ZNF462: variants seen among roughly 807,000 people sequenced by gnomAD.
ZNF462 encodes zinc finger PBX1-interacting protein.
Under a neutral mutation model 201.9 loss-of-function variants are expected in ZNF462, and 10 were observed. The observed-to-expected ratio is 0.05, with a 90% confidence interval of 0.03 to 0.08. The LOEUF is 0.08. Among genes scored for constraint, ZNF462 ranks in the 10% least tolerant of loss-of-function variants. The pLI, the probability that ZNF462 is intolerant of heterozygous loss-of-function variation, is 1.00. For synonymous variants in ZNF462, 1,227 were observed against 1,193.3 expected (o/e 1.03, Z -0.58); for missense variants, 2,523 against 3,168.3 (o/e 0.80, Z 4.89).
At chr9:106,992,102 G>T (rs753092232) in intron 10 of ZNF462, among the ~76,000 whole-genome samples, 31 of 151,582 alleles carry the variant, frequency 2.0e-4, no homozygotes, top group Non-Finnish European at 4.6e-4. Flanking sequence ...TCTAACAAAG[G>T]GCTTTAACCA....
rs907756946 is a variant in ZNF462 at position 106,935,854 on chromosome 9, G to T, written c.6235+233G>T. 2.0e-5 allele frequency among the ~76,000 whole-genome samples: 3 copies of T among 152,196 alleles called. No individual in the cohort carries two copies. The highest frequency in any genetic ancestry group is 4.4e-5 in the Non-Finnish European group (3 of 68,036). ...CAAAGCCTATGTCACCCATGTTATG[G>T]TTAGTTCGTTCGTCCTACTGACAAG... On this transcript the variant is annotated intron_variant, in intron 6 of 12. Coordinates refer to ENST00000277225, the MANE Select transcript of ZNF462 (RefSeq NM_021224.6). This position sits in a 1 kb window ranked among gnomAD's most constrained non-coding sequence, Gnocchi z 4.1.
chr9:106,863,856 G>T (rs972037751), intron 1 of ZNF462, among the ~76,000 whole-genome samples: 11 of 151,750 alleles, frequency 7.2e-5, no homozygotes, highest in African/African-American at 1.5e-4. Flanking sequence ...GACCTGAGCC[G>T]AGAGCCAGAG....
At position 106,926,436 on chromosome 9, in the gene ZNF462, C is replaced by G. The variant is rs1223812738; in HGVS notation, c.2524C>G (p.Leu842Val). 1 of 1,614,204 alleles carries G rather than the reference C, an allele frequency of 6.2e-7. No homozygotes were observed. Among genetic ancestry groups the G allele is most frequent in the East Asian group, 2.2e-5 (1 of 44,882 alleles). Reference sequence around the variant, plus strand: ...CACAGACTTTGGTGACTCTGGAAGGCTTTACTATTGTAAACACTGTGACTT... The same window carrying G: ...CACAGACTTTGGTGACTCTGGAAGGGTTTACTATTGTAAACACTGTGACTT... ...ENTDFGDSGRLYYCKHCDFNN... is the reference protein window; with the variant it reads ...ENTDFGDSGRVYYCKHCDFNN... Residue 842 changes from leucine to valine, a missense_variant, in exon 3 of 13, where the codon CTT becomes GTT. Leu to Val is a conservative substitution (Grantham distance 32, BLOSUM62 1). Coordinates refer to ENST00000277225, the MANE Select transcript of ZNF462 (RefSeq NM_021224.6). The surrounding 1 kb of genome is among the most constrained non-coding windows in gnomAD (Gnocchi z 7.9).
At chr9:106,998,460 ATGGAAATACATGC>A (rs1357686026) in intron 10 of ZNF462, among the ~76,000 whole-genome samples, 5 of 152,180 alleles carry the variant, frequency 3.3e-5, no homozygotes, top group Middle Eastern at 3.2e-3. Context: ...TGCCAGAAGT[ATGGAAATACATGC>A]TAAGACCAGA....
chr9:106,990,734 A>C (rs1447316986), intron 10 of ZNF462, among the ~76,000 whole-genome samples: 3 of 152,022 alleles, frequency 2.0e-5, no homozygotes, highest in Non-Finnish European at 4.4e-5. Context: ...CTCAATTGTT[A>C]GGTTTATGAG....
At chr9:106,980,773 T>C (rs1167759640) in intron 9 of ZNF462, among the ~76,000 whole-genome samples, 1 of 152,186 alleles carries the variant, frequency 6.6e-6, no homozygotes, top group East Asian at 1.9e-4. Flanking sequence ...TTGCAGCCAG[T>C]GCTAGAAGCT....
At chr9:106,908,941 ATTTTTTTTTTTTTTTTTTTTTTTTTT>A (rs1163695505) in intron 1 of ZNF462, among the ~76,000 whole-genome samples, 1 of 25,336 alleles carries the variant, frequency 3.9e-5, no homozygotes, top group Non-Finnish European at 6.5e-5. Flanking sequence ...ATATATATAT[ATTTTTTTTTTTTTTTTTTTTTTTTTT>A]TTTTTTTTTT....
At chr9:106,940,220 C>A (rs986359307) in intron 7 of ZNF462, among the ~76,000 whole-genome samples, 2 of 152,122 alleles carry the variant, frequency 1.3e-5, no homozygotes, top group South Asian at 2.1e-4. Flanking sequence ...AGAAAAGATA[C>A]GCACCTGTAA....
chr9:106,879,687 AGCC>A (rs1828006924), intron 1 of ZNF462, among the ~76,000 whole-genome samples: 1 of 152,164 alleles, frequency 6.6e-6, no homozygotes, highest in Non-Finnish European at 1.5e-5. Flanking sequence ...AGTTGGTAGA[AGCC>A]TGCAGAATGG....
Position 107,011,000 on chromosome 9 carries a change from C to T in ZNF462, c.7491C>T (p.Leu2497=), listed in dbSNP as rs757468040. ...GTGTAGTAACTGCCGACAAATCTCT[C>T]CTGGAGAATGCAGAGGCCAAAAAAG... is the stretch of plus-strand genomic sequence containing the variant. ...AICVVTADKS[L]LENAEAKKE is the part of the protein sequence containing the mutation. Residue 2497 remains leucine (L), a synonymous_variant, in exon 13 of 13, where the codon CTC becomes CTT. Transcript: ENST00000277225. The surrounding 1 kb of genome is among the most constrained non-coding windows in gnomAD (Gnocchi z 4.6). 1 of 1,613,604 alleles carries T rather than the reference C, an allele frequency of 6.2e-7. No individual in the cohort carries two copies. Among genetic ancestry groups the T allele is most frequent in the Non-Finnish European group, 8.5e-7 (1 of 1,179,862 alleles).
rs549439671 is a variant in ZNF462 at position 106,930,781 on chromosome 9, C to T, written c.6012+92C>T. On this transcript the variant is annotated intron_variant, in intron 4 of 12. Coordinates refer to ENST00000277225, the MANE Select transcript of ZNF462 (RefSeq NM_021224.6). The surrounding 1 kb of genome is among the most constrained non-coding windows in gnomAD (Gnocchi z 5.8). ...CCTAAAGCAGCTCAGGAAAGAGCAT[C>T]TCAGAATGCGGGCATTCCTGAATTA... 3 of 1,472,952 alleles carry T rather than the reference C, an allele frequency of 2.0e-6. No homozygotes were observed. Among genetic ancestry groups the T allele is most frequent in the African/African-American group, 1.4e-5 (1 of 72,106 alleles). The allele number at this position is 1,472,952 out of a possible 1,614,324, so 91.2% of individuals were successfully genotyped here.
intron 1 of ZNF462, among the ~76,000 whole-genome samples, chr9:106,911,381 T>C (rs1384796704): frequency 2.0e-5 from 3 of 152,344 alleles, no homozygotes; most frequent in African/African-American, 7.2e-5. Flanking sequence ...GAATGCTCAC[T>C]GTTCTAGCTG....
chr9:106,987,820 A>T (rs1043070507), intron 10 of ZNF462, among the ~76,000 whole-genome samples: 1 of 152,190 alleles, frequency 6.6e-6, no homozygotes, highest in African/African-American at 2.4e-5. Flanking sequence ...TCCTTAATCC[A>T]TCTTGAGTTG....
At position 106,937,382 on chromosome 9, in the gene ZNF462, C is replaced by T. The variant is rs117128637; in HGVS notation, c.6236-1534C>T. ...CATGGTGGCAGGAAAATAATAATCT[C>T]GGAAATGTAGGGACAAAGAATGATC... On this transcript the variant is annotated intron_variant, in intron 6 of 12. Transcript: ENST00000277225. Among the ~76,000 whole-genome samples, 49 of 152,208 alleles carry T rather than the reference C, an allele frequency of 3.2e-4. 1 individual carries two copies. The East Asian group carries it at 9.1e-3, about 28-fold the overall frequency.
At chr9:106,991,779 G>A (rs2132415390) in intron 10 of ZNF462, among the ~76,000 whole-genome samples, 1 of 150,064 alleles carries the variant, frequency 6.7e-6, no homozygotes, top group Non-Finnish European at 1.5e-5. Flanking sequence ...TTTTTAAATG[G>A]TGCTGAAACA....
At chr9:106,889,457 G>A (rs1828477351) in intron 1 of ZNF462, among the ~76,000 whole-genome samples, 1 of 152,178 alleles carries the variant, frequency 6.6e-6, no homozygotes, top group African/African-American at 2.4e-5. Context: ...AACAGGGCTG[G>A]AGAACTCTCT....
intron 10 of ZNF462, among the ~76,000 whole-genome samples, chr9:106,989,783 C>T (rs1178511666): frequency 6.6e-6 from 1 of 152,030 alleles, no homozygotes; most frequent in Admixed American, 6.6e-5. Flanking sequence ...TGTATTTTTC[C>T]AGGAATTTAT....
rs778007444 is a variant in ZNF462, at chr9:106,930,635, C to T, written c.5958C>T (p.His1986=). 2.0e-5 allele frequency: 32 copies of T among 1,614,044 alleles called. No homozygotes were observed. Among genetic ancestry groups the T allele is most frequent in the Non-Finnish European group, 2.6e-5 (31 of 1,180,046 alleles). ...CAACGCTCCGAGCCATCTGCAATCA[C>T]CTCCGAAAGCACGTCCAGTATGGCA... is the stretch of plus-strand genomic sequence containing the variant. ...VHPTLRAICN[H]LRKHVQYGNV... is the part of the protein sequence containing the mutation. Residue 1986 remains histidine (H), a synonymous_variant, in exon 4 of 13, where the codon CAC becomes CAT. Coordinates refer to ENST00000277225, the MANE Select transcript of ZNF462 (RefSeq NM_021224.6). The surrounding 1 kb of genome is among the most constrained non-coding windows in gnomAD (Gnocchi z 5.8).
In ZNF462 at chr9:106,879,836, A is replaced by G. The variant is rs184165058; in HGVS notation, c.-31+16481A>G. Reference sequence around the variant, plus strand: ...AGATTGTTTTCCCTTGTTAAACCTGAAAGCTGATGAGCAAGTACATCATAC... The same window carrying G: ...AGATTGTTTTCCCTTGTTAAACCTGGAAGCTGATGAGCAAGTACATCATAC... On this transcript the variant is annotated intron_variant, in intron 1 of 12. Coordinates refer to ENST00000277225, the MANE Select transcript of ZNF462 (RefSeq NM_021224.6). Among the ~76,000 whole-genome samples, 134 of 152,260 alleles carry G rather than the reference A, an allele frequency of 8.8e-4. 2 individuals carry two copies. The highest frequency in any genetic ancestry group is 3.1e-3 in the African/African-American group (130 of 41,566).
Sources: allele counts gnomAD v4.1 joint callset (sites outside exome capture counted in the v4.1 genomes callset), GRCh38; gene constraint gnomAD v4.1.1; non-coding constraint Gnocchi (gnomAD v3.1); transcripts MANE v1.5; gene names NCBI Gene and HGNC (gene_info 2026-07-23, HGNC 2026-07-21).